The following LOXHD1 variants were observed in gnomAD, a reference collection of about 807,000 sequenced individuals.
The protein encoded by LOXHD1 is lipoxygenase homology PLAT domains 1.
Under a neutral mutation model 248.2 loss-of-function variants are expected in LOXHD1, and 205 were observed. The ratio of observed to expected loss-of-function variants is 0.83; its 90% CI spans 0.74 to 0.93. The LOEUF is 0.93. Ranked by LOEUF, LOXHD1 falls within the 40% of genes least tolerant of loss-of-function variation. The pLI is 0.00. For missense variants in LOXHD1, 2,930 were observed against 2,971.6 expected (o/e 0.99, Z 0.33); for synonymous variants, 1,113 against 1,162.8 (o/e 0.96, Z 0.87).
At chr18:46,565,207 G>A (rs1308404850) in intron 17 of LOXHD1, among the ~76,000 whole-genome samples, 1 of 151,872 alleles carries the variant, frequency 6.6e-6, no homozygotes, top group Non-Finnish European at 1.5e-5. Flanking sequence ...GTTGCAGTGA[G>A]CTGAGATTGT....
At chr18:46,649,024 G>T in intron 2 of LOXHD1, 131 bp downstream of exon 2, 1 of 736,162 alleles carries the variant, frequency 1.4e-6, no homozygotes, top group Non-Finnish European at 2.4e-6. Flanking sequence ...CATTAGCAGA[G>T]GCTTCATACC....
intron 21 of LOXHD1, among the ~76,000 whole-genome samples, chr18:46,548,153 G>A (rs900560521): frequency 1.4e-5 from 2 of 147,002 alleles, no homozygotes; most frequent in Admixed American, 6.7e-5. Flanking sequence ...GCTGTGGTCT[G>A]GGAATATCCT....
At chr18:46,641,874 C>A in intron 3 of LOXHD1, 82 bp downstream of exon 3, 1 of 1,346,046 alleles carries the variant, frequency 7.4e-7, no homozygotes, top group South Asian at 1.3e-5. Flanking sequence ...GGAAGTAATT[C>A]ATACCCAGAA....
At chr18:46,533,573 C>G (rs2036171568) in intron 27 of LOXHD1, 1 of 468,972 alleles carries the variant, frequency 2.1e-6, no homozygotes, top group African/African-American at 2.0e-5. Context: ...TATCTGAACT[C>G]CATCCTGGAG....
In LOXHD1 at chr18:46,560,337, A is replaced by C; in HGVS notation, c.2807T>G (p.Leu936Arg). The stretch of plus-strand genomic sequence containing the variant: ...CTTCCTCTTCTTCTTCTTCCTCTGC[A>C]GCTTGGCCTTCAGCCGCTCCTTCTT... ...LLKKERLKAK[L>R]QRKKKKRKGS... Residue 936 changes from leucine (L) to arginine (R), a missense_variant, in exon 19 of 41, where the codon CTG (leucine) becomes CGG (arginine). Coordinates refer to ENST00000642948, the MANE Select transcript of LOXHD1 (RefSeq NM_001384474.1). 6.4e-7 allele frequency: 1 copy of C among 1,551,564 alleles called. No homozygotes were observed. The highest frequency in any genetic ancestry group is 8.7e-7 in the Non-Finnish European group (1 of 1,147,218).
At chr18:46,560,052 T>TGGCCC in intron 19 of LOXHD1, 31 bp downstream of exon 19, 4 of 441,126 alleles carry the variant, frequency 9.1e-6, no homozygotes, top group African/African-American at 3.1e-5. Context: ...GGCCACTCCC[T>TGGCCC]CCCCACCCCC....
In LOXHD1 at chr18:46,505,968, A is replaced by G. The variant is rs1040711245; in HGVS notation, c.5748T>C (p.Ser1916=). ...CCGACTGCTTCAGGGCCAGTGTCCC[A>G]CTATCCCCGTTCTCCCCGAAGATGA... is the stretch of plus-strand genomic sequence containing the variant. The part of the protein sequence containing the change: ...FIIIFGENGD[S]GTLALKQSAN... The change falls in exon 37 of 41, where the codon AGT becomes AGC. Residue 1916 remains serine (S), a synonymous_variant. Transcript: ENST00000642948. 1 of 1,552,240 alleles carries G rather than the reference A, an allele frequency of 6.4e-7. No homozygotes were observed. The highest frequency in any genetic ancestry group is 8.7e-7 in the Non-Finnish European group (1 of 1,147,110).
intron 39 of LOXHD1, among the ~76,000 whole-genome samples, chr18:46,484,094 G>T (rs1364132361): frequency 2.6e-5 from 4 of 152,164 alleles, no homozygotes; most frequent in Non-Finnish European, 4.4e-5. Context: ...GGTGGGAACA[G>T]TGGGGTGTGG....
chr18:46,630,417 G>T (rs1308792095), intron 4 of LOXHD1, among the ~76,000 whole-genome samples: 4 of 152,224 alleles, frequency 2.6e-5, no homozygotes, highest in East Asian at 1.9e-4. Flanking sequence ...AGCAGGAAAT[G>T]ACATCATATT....
At chr18:46,542,076 G>A in intron 24 of LOXHD1, 136 bp from the exon 25 acceptor site, 1 of 810,160 alleles carries the variant, frequency 1.2e-6, no homozygotes, top group Non-Finnish European at 1.9e-6. Flanking sequence ...TTTGCTTGCA[G>A]CATTGCTAAA....
chr18:46,649,590 T>G (rs1226162692), intron 1 of LOXHD1, among the ~76,000 whole-genome samples: 1 of 152,128 alleles, frequency 6.6e-6, no homozygotes, highest in African/African-American at 2.4e-5. Flanking sequence ...CACAACACAC[T>G]GATACCCTCC....
chr18:46,540,584 C>A (rs2036514934), intron 25 of LOXHD1, among the ~76,000 whole-genome samples: 1 of 150,628 alleles, frequency 6.6e-6, no homozygotes, highest in South Asian at 2.1e-4. Context: ...GAACAGCTCA[C>A]CCTTTAGGTT....
At position 46,524,502 on chromosome 18, in the gene LOXHD1, T is replaced by C; in HGVS notation, c.4840A>G (p.Thr1614Ala). 6.4e-7 allele frequency: 1 copy of C among 1,551,698 alleles called. No homozygotes were observed. The highest frequency in any genetic ancestry group is 8.7e-7 in the Non-Finnish European group (1 of 1,146,978). Residue 1614 changes from threonine to alanine, a missense_variant, in exon 31 of 41, where the codon ACC becomes GCC. By Grantham distance (58) the Thr-to-Ala change is moderately conservative. Transcript: ENST00000642948. ...KMADVDISTV[T>A]GPMADYVQEG... ...TGAACGTAGTCAGCCATGGGCCCGGTCACTGTGCTGATGTCGACATCGGCC... is the reference window on the plus strand; with the variant it reads ...TGAACGTAGTCAGCCATGGGCCCGGCCACTGTGCTGATGTCGACATCGGCC...
rs1466807836 is a variant in LOXHD1, at chr18:46,656,971, C to T, written c.63G>A (p.Ala21=). 4 of 1,551,656 alleles carry T rather than the reference C, an allele frequency of 2.6e-6. No homozygotes were observed. The highest frequency in any genetic ancestry group is 4.9e-5 in the East Asian group (2 of 40,910). The change falls in exon 1 of 41, where the codon GCG becomes GCA. Residue 21 remains alanine, a synonymous_variant. Transcript: ENST00000642948. ...KDIDFLALYE[A]ELLNYASEDD... ...CCTCCGAGGCGTAGTTCAGCAGCTC[C>T]GCTTCGTACAGGGCCAGGAAGTCGA...
chr18:46,596,121 G>A (rs139375575), intron 8 of LOXHD1, among the ~76,000 whole-genome samples: 1 of 152,136 alleles, frequency 6.6e-6, no homozygotes, highest in Non-Finnish European at 1.5e-5. Flanking sequence ...ACTATCCTGA[G>A]GGTATCATAT....
chr18:46,544,009 A>G (rs1028327044), intron 23 of LOXHD1, among the ~76,000 whole-genome samples: 1 of 152,228 alleles, frequency 6.6e-6, no homozygotes, highest in African/African-American at 2.4e-5. Context: ...CTGTAGTGTC[A>G]GTCTGAAACT....
Position 46,526,060 on chromosome 18 carries a change from G to C in LOXHD1, c.4531-1143C>G, listed in dbSNP as rs562607218. ...AGCTGCAGGTAAATAGCAGCCAGTG[G>C]TGTGTGGCCGAAAGCAGATGTGGAT... On this transcript the variant is annotated intron_variant, in intron 29 of 40. Coordinates refer to ENST00000642948, the MANE Select transcript of LOXHD1 (RefSeq NM_001384474.1). 2.0e-5 allele frequency among the ~76,000 whole-genome samples: 3 copies of C among 152,246 alleles called. No homozygotes were observed. The South Asian group carries it at 6.2e-4, about 32-fold the overall frequency.
At position 46,643,293 on chromosome 18, in the gene LOXHD1, G is replaced by C. The variant is rs145769057; in HGVS notation, c.246-1257C>G. The stretch of plus-strand genomic sequence containing the variant: ...ACCTTCTGAGTTTGCTGGAGTGAAA[G>C]GGGTGACACCCAGGCTTGCTGCAGG... On this transcript the variant is annotated intron_variant, in intron 2 of 40. Transcript: ENST00000642948. 1.6e-3 allele frequency among the ~76,000 whole-genome samples: 246 copies of C among 152,328 alleles called. 1 individual carries two copies. Among genetic ancestry groups the C allele is most frequent in the African/African-American group, 5.8e-3 (241 of 41,562 alleles).
chr18:46,488,776 A>G (rs183291699), intron 38 of LOXHD1, among the ~76,000 whole-genome samples, 196 bp downstream of exon 38: 1 of 152,300 alleles, frequency 6.6e-6, no homozygotes, highest in Non-Finnish European at 1.5e-5. Flanking sequence ...AGTCCCTGTG[A>G]TTCTGAGCCA....
Sources: gnomAD v4.1 joint callset for allele counts (sites outside exome capture counted in the v4.1 genomes callset) on GRCh38, gnomAD v4.1.1 for gene constraint, MANE v1.5 for transcripts, NCBI Gene and HGNC (gene_info 2026-07-23, HGNC 2026-07-21) for gene names.